The following IQGAP1 variants were observed in gnomAD, a reference collection of about 807,000 sequenced individuals.
The protein encoded by IQGAP1 is IQ motif containing GTPase activating protein 1.
In IQGAP1, 66 loss-of-function variants were observed where a neutral mutation model predicts 215.6. That is an observed-to-expected ratio of 0.31 (90% confidence interval 0.25 to 0.38). The LOEUF (loss-of-function observed/expected upper bound fraction) is 0.38, where lower values mean the gene tolerates loss of function less well. Ranked by LOEUF, IQGAP1 falls within the 10% of genes least tolerant of loss-of-function variation. IQGAP1 has a pLI of 1.00. For missense variants in IQGAP1, 1,712 were observed against 1,997.1 expected (o/e 0.86, Z 2.72); for synonymous variants, 772 against 728.7 (o/e 1.06, Z -0.96).
intron 22 of IQGAP1, 93 bp from the exon 23 acceptor site, chr15:90,474,392 T>G (rs545840309): frequency 6.8e-6 from 7 of 1,034,164 alleles, no homozygotes; most frequent in African/African-American, 3.1e-5. Context: ...AATTAAATGT[T>G]TATGAATAGA....
Position 90,439,353 on chromosome 15 carries a change from C to T in IQGAP1, c.489C>T (p.Gly163=), listed in dbSNP as rs1175122850. ...CTAGTTTGTACCTGTTCAAGCTAGG[C>T]CTGGCCCCTCAGATTCAAGACCTAT... The part of the protein sequence containing the change: ...HALSLYLFKL[G]LAPQIQDLYG... Residue 163 remains glycine, a synonymous_variant, in exon 6 of 38, where the codon GGC becomes GGT. Transcript: ENST00000268182. 1 of 1,613,188 alleles carries T rather than the reference C, an allele frequency of 6.2e-7. No homozygotes were observed.
intron 26 of IQGAP1, among the ~76,000 whole-genome samples, chr15:90,481,111 C>T (rs7169182): frequency 1.3e-5 from 2 of 151,940 alleles, no homozygotes; most frequent in African/African-American, 2.4e-5. Context: ...GAGCCACGCT[C>T]CCTGCAGAGG....
Position 90,483,341 on chromosome 15 carries a change from TTC to T in IQGAP1, c.3556-18_3556-17del, listed in dbSNP as rs751722734. ...GTGGTATGTCTTTTAATACCCATCT[TTC>T]TGTTTCGTCTGTTCCAGATTATTGG... On this transcript the variant is annotated intron_variant, in intron 28 of 37. Coordinates refer to ENST00000268182, the MANE Select transcript of IQGAP1 (RefSeq NM_003870.4). 4.1e-5 allele frequency: 65 copies of T among 1,572,260 alleles called. No individual in the cohort carries two copies. Among genetic ancestry groups the T allele is most frequent in the Middle Eastern group, 3.3e-4 (2 of 6,008 alleles).
At chr15:90,451,660 T>G (rs1209051020) in intron 11 of IQGAP1, among the ~76,000 whole-genome samples, 1 of 151,766 alleles carries the variant, frequency 6.6e-6, no homozygotes, top group Non-Finnish European at 1.5e-5. Flanking sequence ...TGATGTCAGG[T>G]ATCAGATTTC....
In IQGAP1 at chr15:90,405,189, CTG is replaced by C. The variant is rs753637342; in HGVS notation, c.155+14317_155+14318del. On this transcript the variant is annotated intron_variant, in intron 2 of 37. Coordinates refer to ENST00000268182, the MANE Select transcript of IQGAP1 (RefSeq NM_003870.4). ...TTAGCAGTGTCTTAGGAAATGTGCT[CTG>C]GAGGGTGTCTTGTGCTCTAGTTTAT... is the stretch of plus-strand genomic sequence containing the variant. Among the ~76,000 whole-genome samples, 5 of 152,220 alleles carry C rather than the reference CTG, an allele frequency of 3.3e-5. No homozygotes were observed. In the East Asian group the frequency reaches 9.7e-4, roughly 29 times the overall value.
chr15:90,408,817 G>T (rs7169914), intron 2 of IQGAP1, among the ~76,000 whole-genome samples: 23,268 of 151,892 alleles, frequency 0.15, 2,032 homozygotes, highest in South Asian at 0.23. Context: ...TTAGAGAAAG[G>T]GTCTTGCTCT....
At chr15:90,487,385 G>T in intron 32 of IQGAP1, 110 bp from the exon 33 acceptor site, 1 of 785,848 alleles carries the variant, frequency 1.3e-6, no homozygotes, top group South Asian at 1.6e-5. Flanking sequence ...GCTGCCGCTT[G>T]GGACTTCTGT....
intron 37 of IQGAP1, among the ~76,000 whole-genome samples, chr15:90,498,909 A>C (rs1966307367): frequency 6.6e-6 from 1 of 151,738 alleles, no homozygotes; most frequent in Non-Finnish European, 1.5e-5. Context: ...TCCTGGGTTC[A>C]AGTGATTCTC....
At chr15:90,489,677 T>C (rs191756107) in intron 33 of IQGAP1, among the ~76,000 whole-genome samples, 12 of 152,192 alleles carry the variant, frequency 7.9e-5, no homozygotes, top group African/African-American at 1.2e-4. Flanking sequence ...GAAACCATTG[T>C]TTTCAATGAA....
chr15:90,441,555 A>T lies in IQGAP1; in HGVS notation c.699A>T (p.Pro233=). The change falls in exon 8 of 38, where the codon CCA becomes CCT. Residue 233 remains proline (P), a synonymous_variant. Transcript: ENST00000268182. ...ATGAAGCTATTGACCGTAGAATTCC[A>T]GCCGACACATTTGCAGCTTTGAAAA... ...AINEAIDRRI[P]ADTFAALKNP... is the part of the protein sequence containing the mutation. 6.2e-7 allele frequency: 1 copy of T among 1,613,716 alleles called. No homozygotes were observed. The highest frequency in any genetic ancestry group is 8.5e-7 in the Non-Finnish European group (1 of 1,179,946).
chr15:90,421,208 G>A (rs1034743608), intron 2 of IQGAP1, among the ~76,000 whole-genome samples: 4 of 151,962 alleles, frequency 2.6e-5, no homozygotes, highest in African/African-American at 9.7e-5. Flanking sequence ...GGGCGTGGTG[G>A]CTCATGCCTA....
intron 5 of IQGAP1, 101 bp downstream of exon 5, chr15:90,433,896 T>G: frequency 1.6e-6 from 1 of 640,266 alleles, no homozygotes; most frequent in East Asian, 2.8e-5. Flanking sequence ...GTTTTTTGAT[T>G]AGTTTCAAAA....
chr15:90,467,432 T>C lies in IQGAP1; in HGVS notation c.2036-18T>C, dbSNP rs760786277. On this transcript the variant is annotated intron_variant, in intron 17 of 37. Transcript: ENST00000268182. Reference sequence around the variant, plus strand: ...TGTGGCTCTGGATGTCTTCTATCTTTCCTTTATTTTCTGCCAGGAGATAAT... The same window carrying C: ...TGTGGCTCTGGATGTCTTCTATCTTCCCTTTATTTTCTGCCAGGAGATAAT... 6.2e-7 allele frequency: 1 copy of C among 1,604,432 alleles called. No homozygotes were observed. The highest frequency in any genetic ancestry group is 2.2e-5 in the East Asian group (1 of 44,538).
chr15:90,438,748 G>A (rs1380676839), intron 5 of IQGAP1, among the ~76,000 whole-genome samples: 3 of 149,680 alleles, frequency 2.0e-5, no homozygotes, highest in South Asian at 2.1e-4. Context: ...TTTTTGAAAC[G>A]GAATCTCACA....
chr15:90,492,897 T>C (rs1966225611), intron 35 of IQGAP1, among the ~76,000 whole-genome samples, 186 bp downstream of exon 35: 1 of 152,180 alleles, frequency 6.6e-6, no homozygotes, highest in African/African-American at 2.4e-5. Context: ...ATGATGTGAA[T>C]AGTGGGTGGG....
At chr15:90,454,937 C>T (rs932910949) in intron 14 of IQGAP1, among the ~76,000 whole-genome samples, 4 of 152,228 alleles carry the variant, frequency 2.6e-5, no homozygotes, top group African/African-American at 7.2e-5. Context: ...TACTTCTGAA[C>T]AACTGGCTGC....
At chr15:90,487,864 C>G (rs1966149360) in intron 33 of IQGAP1, among the ~76,000 whole-genome samples, 2 of 152,292 alleles carry the variant, frequency 1.3e-5, no homozygotes, top group South Asian at 4.1e-4. Flanking sequence ...TTCTTTCCAG[C>G]ACCCATTCTC....
In IQGAP1 at chr15:90,454,186, A is replaced by T. The variant is rs571432535; in HGVS notation, c.1488-242A>T. ...AGCCTTTTTTTCTTGTCTATGGAGGAATTGCTTGAACTGCTGCCTTTAATT... is the reference window on the plus strand; with the variant it reads ...AGCCTTTTTTTCTTGTCTATGGAGGTATTGCTTGAACTGCTGCCTTTAATT... On this transcript the variant is annotated intron_variant, in intron 13 of 37. Transcript: ENST00000268182. Among the ~76,000 whole-genome samples, 7 of 152,156 alleles carry T rather than the reference A, an allele frequency of 4.6e-5. No homozygotes were observed. In the South Asian group the frequency reaches 1.5e-3, roughly 32 times the overall value.
At chr15:90,422,662 A>ATG (rs1555435959) in intron 2 of IQGAP1, among the ~76,000 whole-genome samples, 749 of 73,072 alleles carry the variant, frequency 0.01, 11 homozygotes, top group African/African-American at 0.06. Context: ...ATATATATGT[A>ATG]TATATATATA....
Sources: gnomAD v4.1 joint callset for allele counts (sites outside exome capture counted in the v4.1 genomes callset) on GRCh38, gnomAD v4.1.1 for gene constraint, MANE v1.5 for transcripts, NCBI Gene and HGNC (gene_info 2026-07-23, HGNC 2026-07-21) for gene names.